SIPA1L3: variants seen among roughly 807,000 people sequenced by gnomAD.
The protein encoded by SIPA1L3 is signal-induced proliferation-associated 1-like protein 3.
Under a neutral mutation model 150.1 loss-of-function variants are expected in SIPA1L3, and 59 were observed. The ratio of observed to expected loss-of-function variants is 0.39; its 90% confidence interval spans 0.32 to 0.49. The LOEUF (loss-of-function observed/expected upper bound fraction) is 0.49, where lower values mean the gene tolerates loss of function less well. SIPA1L3 is among the 20% of genes least tolerant of loss of function. SIPA1L3 has a pLI of 0.86. For missense variants in SIPA1L3, 2,211 were observed against 2,489.5 expected, an observed-to-expected ratio of 0.89 and a Z score of 2.38; for synonymous variants, 1,070 against 1,077.6, an observed-to-expected ratio of 0.99 and a Z score of 0.14.
chr19:37,925,553 A>T (rs1460121766), intron 1 of SIPA1L3, among the ~76,000 whole-genome samples: 1 of 149,586 alleles, frequency 6.7e-6, no homozygotes, highest in Non-Finnish European at 1.5e-5. Flanking sequence ...TCTCTGATTG[A>T]GAAGGTTAAG....
At chr19:38,068,228 A>T (rs1036415517) in intron 2 of SIPA1L3, among the ~76,000 whole-genome samples, 1 of 151,512 alleles carries the variant, frequency 6.6e-6, no homozygotes, top group Non-Finnish European at 1.5e-5. Context: ...ACGGGGTTTC[A>T]CCGTGTTAGC....
At chr19:38,152,485 T>A (rs1002155577) in intron 12 of SIPA1L3, among the ~76,000 whole-genome samples, 2 of 152,162 alleles carry the variant, frequency 1.3e-5, no homozygotes, top group Non-Finnish European at 2.9e-5. Flanking sequence ...GGGCAGTAGC[T>A]GCTGGGGACA....
chr19:37,984,919 A>G (rs756417952), intron 1 of SIPA1L3, among the ~76,000 whole-genome samples: 1 of 152,214 alleles, frequency 6.6e-6, no homozygotes, highest in Admixed American at 6.5e-5. Context: ...TCCTTCAACA[A>G]ATATTTCTGG....
chr19:38,149,993 A>G (rs1477697210), intron 12 of SIPA1L3, among the ~76,000 whole-genome samples: 1 of 152,210 alleles, frequency 6.6e-6, no homozygotes, highest in Non-Finnish European at 1.5e-5. Flanking sequence ...GAGTAAGTGC[A>G]TCAACACTCC....
intron 1 of SIPA1L3, among the ~76,000 whole-genome samples, chr19:37,966,644 G>A (rs970187936): frequency 6.6e-6 from 1 of 152,090 alleles, no homozygotes; most frequent in Admixed American, 6.6e-5. Flanking sequence ...ATTTTGATCC[G>A]CCTCCACCCT....
At chr19:38,049,157 A>G (rs1314714688) in intron 2 of SIPA1L3, among the ~76,000 whole-genome samples, 1 of 152,050 alleles carries the variant, frequency 6.6e-6, no homozygotes, top group Non-Finnish European at 1.5e-5. Context: ...GGTGGGGAAA[A>G]AAAATGGGTG....
At chr19:38,153,898 C>T (rs1289274044) in intron 13 of SIPA1L3, among the ~76,000 whole-genome samples, 1 of 152,040 alleles carries the variant, frequency 6.6e-6, no homozygotes. Context: ...CGAGTCACTG[C>T]ACTCCAGCCT....
chr19:38,025,953 T>C (rs1465957803), intron 1 of SIPA1L3, among the ~76,000 whole-genome samples: 1 of 152,218 alleles, frequency 6.6e-6, no homozygotes, highest in East Asian at 1.9e-4. Flanking sequence ...TTTTATTTTG[T>C]ACTTTGCTAA....
At chr19:38,194,526 C>T (rs1451096348) in intron 18 of SIPA1L3, among the ~76,000 whole-genome samples, 4 of 152,180 alleles carry the variant, frequency 2.6e-5, no homozygotes, top group Non-Finnish European at 4.4e-5. Context: ...TGCCACTGCG[C>T]GTGGGGTGCC....
intron 9 of SIPA1L3, among the ~76,000 whole-genome samples, chr19:38,120,242 G>A (rs927575140): frequency 2.0e-5 from 3 of 151,572 alleles, no homozygotes; most frequent in Non-Finnish European, 2.9e-5. Flanking sequence ...GTGGTGGATC[G>A]CTTGAGCCCA....
chr19:38,197,207 C>T (rs562314710), intron 18 of SIPA1L3, among the ~76,000 whole-genome samples: 45 of 152,194 alleles, frequency 3.0e-4, no homozygotes, highest in Middle Eastern at 3.4e-3. Context: ...GAATGCAGAG[C>T]GGGCTGGGCC....
intron 2 of SIPA1L3, among the ~76,000 whole-genome samples, chr19:38,062,623 T>TA (rs56703259): frequency 0.2 from 29,470 of 151,096 alleles, 3,152 homozygotes; most frequent in African/African-American, 0.28. Context: ...TTATTATTAT[T>TA]TTTTTTTTTG....
At chr19:37,996,329 G>A (rs754218925) in intron 1 of SIPA1L3, among the ~76,000 whole-genome samples, 29 of 152,292 alleles carry the variant, frequency 1.9e-4, no homozygotes, top group Middle Eastern at 3.4e-3. Flanking sequence ...GGACACAAAT[G>A]ATCCTTCCTC....
At chr19:38,014,362 A>G (rs1387551420) in intron 1 of SIPA1L3, among the ~76,000 whole-genome samples, 2 of 152,070 alleles carry the variant, frequency 1.3e-5, no homozygotes, top group African/African-American at 4.8e-5. Flanking sequence ...AGCACCACCA[A>G]ATCTGCCACT....
At chr19:38,106,967 C>T (rs1970636650) in intron 7 of SIPA1L3, among the ~76,000 whole-genome samples, 2 of 152,226 alleles carry the variant, frequency 1.3e-5, no homozygotes, top group South Asian at 4.1e-4. Flanking sequence ...CAGAAACTCA[C>T]ACCAAACTGG....
In SIPA1L3 at chr19:38,082,301, C is replaced by A. The variant is rs1339754696; in HGVS notation, c.736C>A (p.Pro246Thr). ...QALTELLRADPGPHLMGGGGG... is the reference protein window; with the variant it reads ...QALTELLRADTGPHLMGGGGG... ...CCTCACCGAGCTCCTCCGGGCAGAT[C>A]CTGGCCCACACCTCATGGGGGGCGG... Residue 246 changes from proline to threonine, a missense_variant, in exon 3 of 22, where the codon CCT becomes ACT. Transcript: ENST00000222345. The A allele has an allele frequency of 6.3e-7, 1 of 1,599,402 alleles. No homozygotes were observed.
intron 10 of SIPA1L3, among the ~76,000 whole-genome samples, chr19:38,133,754 C>T (rs762425432): frequency 5.3e-5 from 8 of 152,112 alleles, no homozygotes; most frequent in African/African-American, 9.7e-5. Context: ...ACCCTGTGCC[C>T]GGTTTCCTCA....
chr19:37,961,736 C>T (rs1466653446), intron 1 of SIPA1L3, among the ~76,000 whole-genome samples: 1 of 152,030 alleles, frequency 6.6e-6, no homozygotes, highest in East Asian at 1.9e-4. Context: ...TCTCATAGGA[C>T]TCCCATTATG....
rs752495862 is a variant in SIPA1L3, at chr19:38,164,654, G to C, written c.3956G>C (p.Ser1319Thr). 1 of 1,614,156 alleles carries C rather than the reference G, an allele frequency of 6.2e-7. No individual in the cohort carries two copies. The highest frequency in any genetic ancestry group is 2.2e-5 in the East Asian group (1 of 44,882). ...SGIDTTLYTS[S>T]PSCMSLAKAP... ...ATCGACACCACCCTCTACACCTCCA[G>C]CCCTAGCTGCATGTCCCTGGCCAAG... Residue 1319 changes from serine to threonine, a missense_variant, in exon 15 of 22, where the codon AGC (serine) becomes ACC (threonine). Physicochemically the swap from Ser to Thr is moderately conservative, Grantham distance 58. This residue lies in a region of SIPA1L3 where 806 missense variants were observed against 870.1 expected (regional missense o/e 0.93). Coordinates refer to ENST00000222345, the MANE Select transcript of SIPA1L3 (RefSeq NM_015073.3). This position sits in a 1 kb window ranked among gnomAD's most constrained non-coding sequence, Gnocchi z 4.1.
Sources: allele counts gnomAD v4.1 joint callset (sites outside exome capture counted in the v4.1 genomes callset), GRCh38; gene constraint gnomAD v4.1.1; regional missense constraint gnomAD v4.1.1; non-coding constraint Gnocchi (gnomAD v3.1); transcripts MANE v1.5; gene names NCBI Gene and HGNC (gene_info 2026-07-23, HGNC 2026-07-21).